The following ATAD2B variants were observed in gnomAD, a reference collection of about 807,000 sequenced individuals.
ATAD2B encodes the protein ATPase family AAA domain-containing protein 2B.
Under a neutral mutation model 167.6 loss-of-function variants are expected in ATAD2B, and 40 were observed. That is an observed-to-expected ratio of 0.24 (90% CI 0.19 to 0.31). ATAD2B has a LOEUF of 0.31. ATAD2B is among the 10% of genes least tolerant of loss of function. The pLI, the probability that ATAD2B is intolerant of heterozygous loss-of-function variation, is 1.00. For missense variants in ATAD2B, 1,242 were observed against 1,757.2 expected (o/e 0.71, Z 5.24); for synonymous variants, 579 against 596.5 (o/e 0.97, Z 0.43).
intron 1 of ATAD2B, among the ~76,000 whole-genome samples, chr2:23,913,410 C>T (rs1055721071): frequency 1.3e-5 from 2 of 152,116 alleles, no homozygotes; most frequent in African/African-American, 4.8e-5. Context: ...GAGGCCAAGG[C>T]GGGCAGATCA....
At chr2:23,682,645 C>T in the ATAD2B span, among the ~76,000 whole-genome samples, 7 of 152,080 alleles carry the variant, frequency 4.6e-5, no homozygotes, top group Non-Finnish European at 8.8e-5. This position sits in a 1 kb window ranked among gnomAD's most constrained non-coding sequence, Gnocchi z 4.1. Context: ...CTTTTGTCCA[C>T]CTGCACCTGC....
At chr2:23,809,110 C>A (rs1055508829) in intron 18 of ATAD2B, 4 of 152,088 alleles carry the variant, frequency 2.6e-5, no homozygotes, top group Non-Finnish European at 5.9e-5. Context: ...TCTACTAAAT[C>A]ATTTGTATTT....
chr2:23,731,307 C>A, the ATAD2B span, among the ~76,000 whole-genome samples: 1 of 152,046 alleles, frequency 6.6e-6, no homozygotes, highest in South Asian at 2.1e-4. Context: ...AGATAATAGA[C>A]AAAGAAATAT....
At chr2:23,692,587 C>G in the ATAD2B span, among the ~76,000 whole-genome samples, 1 of 152,196 alleles carries the variant, frequency 6.6e-6, no homozygotes, top group Non-Finnish European at 1.5e-5. Flanking sequence ...TGCCAGGAAC[C>G]ACGATGGCAG....
intron 13 of ATAD2B, among the ~76,000 whole-genome samples, chr2:23,844,117 T>C (rs567612972): frequency 2.0e-5 from 3 of 152,212 alleles, no homozygotes; most frequent in South Asian, 4.2e-4. Context: ...TTTTTGTATT[T>C]TTAGTAGAGG....
At chr2:23,776,437 G>T (rs914167548) in intron 22 of ATAD2B, among the ~76,000 whole-genome samples, 1 of 152,232 alleles carries the variant, frequency 6.6e-6, no homozygotes, top group African/African-American at 2.4e-5. Flanking sequence ...GGTCAAGGCT[G>T]TGTCTTAACC....
chr2:23,714,615 G>A, the ATAD2B span, among the ~76,000 whole-genome samples: 1 of 151,624 alleles, frequency 6.6e-6, no homozygotes, highest in East Asian at 2.0e-4. Context: ...AGCACTTTGG[G>A]AGGTCAAGGC....
At chr2:23,831,912 T>G (rs955099642) in intron 14 of ATAD2B, among the ~76,000 whole-genome samples, 21 of 152,198 alleles carry the variant, frequency 1.4e-4, no homozygotes, top group African/African-American at 5.1e-4. Flanking sequence ...CTAAATTATT[T>G]GCTTCCCTTT....
At chr2:23,870,903 G>A (rs1420024295) in intron 8 of ATAD2B, among the ~76,000 whole-genome samples, 1 of 151,926 alleles carries the variant, frequency 6.6e-6, no homozygotes, top group African/African-American at 2.4e-5. Flanking sequence ...AAGTCATCAC[G>A]AAGGAAAAAT....
At position 23,762,207 on chromosome 2, in the gene ATAD2B, A is replaced by G; in HGVS notation, c.3394+2T>C. On this transcript the variant is annotated splice_donor_variant, in intron 24 of 27. Coordinates refer to ENST00000238789, the MANE Select transcript of ATAD2B (RefSeq NM_017552.4). LOFTEE classifies it high-confidence loss of function. ...CTGGATAACATGAGCTGAAATACTCACATGCACATTTATTTGCAGAGTTGT... is the reference window on the plus strand; with the variant it reads ...CTGGATAACATGAGCTGAAATACTCGCATGCACATTTATTTGCAGAGTTGT... 1 of 1,613,116 alleles carries G rather than the reference A, an allele frequency of 6.2e-7. No individual in the cohort carries two copies. The highest frequency in any genetic ancestry group is 8.5e-7 in the Non-Finnish European group (1 of 1,179,372).
intron 12 of ATAD2B, among the ~76,000 whole-genome samples, chr2:23,862,401 G>GTTTTT (rs750865073): frequency 9.2e-4 from 91 of 99,436 alleles, no homozygotes; most frequent in Admixed American, 1.7e-3. Flanking sequence ...ATTTGGACTG[G>GTTTTT]TTTTTTTTTT....
At chr2:23,799,570 C>CAA (rs763947000) in intron 18 of ATAD2B, among the ~76,000 whole-genome samples, 6,308 of 40,026 alleles carry the variant, frequency 0.16, 851 homozygotes, top group Non-Finnish European at 0.2. Context: ...GACTCCATCT[C>CAA]AAAAAAAAAA....
the ATAD2B span, chr2:23,690,632 A>G: frequency 0.86 from 131,285 of 152,260 alleles, 57,828 homozygotes; most frequent in East Asian, 1. Flanking sequence ...AAGCAGGGCT[A>G]CTCAGAGGAG....
downstream of ATAD2B, among the ~76,000 whole-genome samples, chr2:23,745,415 A>AGGAAGGAAGGAAAGGGAAGGGAAG (rs1674804406): frequency 1.0e-5 from 1 of 96,126 alleles, no homozygotes; most frequent in Non-Finnish European, 2.4e-5. Flanking sequence ...GAAGGAAGGA[A>AGGAAGGAAGGAAAGGGAAGGGAAG]GGAAGGAAAG....
intron 18 of ATAD2B, among the ~76,000 whole-genome samples, chr2:23,806,577 CT>C (rs897756885): frequency 4.6e-5 from 7 of 151,186 alleles, no homozygotes; most frequent in East Asian, 1.9e-4. Flanking sequence ...AAACAGAACT[CT>C]TTTTTTTTAA....
chr2:23,920,460 T>G (rs557996536), intron 1 of ATAD2B, among the ~76,000 whole-genome samples: 1 of 152,334 alleles, frequency 6.6e-6, no homozygotes, highest in Admixed American at 6.5e-5. Flanking sequence ...CCTATAACCA[T>G]GATAGTCTCA....
the ATAD2B span, among the ~76,000 whole-genome samples, chr2:23,733,039 C>T: frequency 6.6e-6 from 1 of 152,116 alleles, no homozygotes; most frequent in Non-Finnish European, 1.5e-5. Flanking sequence ...GATGCAAAGC[C>T]CTTTAAAGAA....
At chr2:23,901,425 T>C (rs1700826997) in intron 1 of ATAD2B, among the ~76,000 whole-genome samples, 2 of 151,976 alleles carry the variant, frequency 1.3e-5, no homozygotes, top group African/African-American at 2.4e-5. Flanking sequence ...TCCCTGCTAC[T>C]AGTTGCAGCC....
At chr2:23,895,716 A>G in intron 2 of ATAD2B, 103 bp downstream of exon 2, 3 of 742,604 alleles carry the variant, frequency 4.0e-6, no homozygotes, top group Non-Finnish European at 6.0e-6. Flanking sequence ...ATAAGTATTT[A>G]CAAGATACTT....
Sources: allele counts gnomAD v4.1 joint callset (sites outside exome capture counted in the v4.1 genomes callset), GRCh38; gene constraint gnomAD v4.1.1; non-coding constraint Gnocchi (gnomAD v3.1); transcripts MANE v1.5; gene names NCBI Gene and HGNC (gene_info 2026-07-23, HGNC 2026-07-21).